KALRN: variants seen among roughly 807,000 people sequenced by gnomAD.
KALRN encodes kalirin RhoGEF kinase.
KALRN carries 70 observed loss-of-function variants against 353.7 expected under a neutral mutation model. The ratio of observed to expected loss-of-function variants is 0.20; its 90% confidence interval spans 0.16 to 0.24. KALRN has a LOEUF of 0.24. KALRN is among the 10% of genes least tolerant of loss of function. The pLI, the probability that KALRN is intolerant of heterozygous loss-of-function variation, is 1.00. For synonymous variants in KALRN, 1,391 were observed against 1,434.8 expected, an observed-to-expected ratio of 0.97 and a Z score of 0.69; for missense variants, 2,791 against 3,756.7, an observed-to-expected ratio of 0.74 and a Z score of 6.72.
At chr3:124,657,855 A>G (rs2150181467) in intron 41 of KALRN, 52 bp downstream of exon 41, 1 of 1,290,204 alleles carries the variant, frequency 7.8e-7, no homozygotes, top group Non-Finnish European at 1.1e-6. Flanking sequence ...GCTCATTTAT[A>G]TTCATTTTAA....
intron 10 of KALRN, among the ~76,000 whole-genome samples, chr3:124,352,063 C>T (rs1458809753): frequency 6.6e-6 from 1 of 152,168 alleles, no homozygotes; most frequent in Non-Finnish European, 1.5e-5. Context: ...AATAGAAGTC[C>T]CGGGCACTGG....
chr3:124,143,549 G>A (rs2066901736), intron 1 of KALRN, among the ~76,000 whole-genome samples: 1 of 152,150 alleles, frequency 6.6e-6, no homozygotes, highest in Non-Finnish European at 1.5e-5. Flanking sequence ...TTAGTTCATG[G>A]GTTGTAAGAA....
At chr3:124,227,623 A>G (rs961200253) in intron 1 of KALRN, among the ~76,000 whole-genome samples, 1 of 145,306 alleles carries the variant, frequency 6.9e-6, no homozygotes, top group Non-Finnish European at 1.5e-5. Flanking sequence ...TGATTTTTTA[A>G]AAGTCCCCCG....
chr3:124,378,936 T>A (rs1411822284), intron 10 of KALRN, among the ~76,000 whole-genome samples: 1 of 151,984 alleles, frequency 6.6e-6, no homozygotes, highest in Non-Finnish European at 1.5e-5. Flanking sequence ...TTGTTGGGTT[T>A]CTTGGATTTA....
rs777615656 is a variant in KALRN at position 124,270,824 on chromosome 3, G to GTTTTTTTTTTTTTTTTTT, written c.969+1575_969+1592dup. On this transcript the variant is annotated intron_variant, in intron 5 of 59. Transcript: ENST00000682506. ...TTTTCTTTGTTTATTTTTTTGTTTT[G>GTTTTTTTTTTTTTTTTTT]TTTTTTTTTTTTTTTTTTTTTTTGA... 1.5e-3 allele frequency among the ~76,000 whole-genome samples: 117 copies of GTTTTTTTTTTTTTTTTTT among 78,564 alleles called. 1 individual carries two copies. Among genetic ancestry groups the GTTTTTTTTTTTTTTTTTT allele is most frequent in the Non-Finnish European group, 1.9e-3 (80 of 41,284 alleles). 51.5% of individuals were successfully genotyped at this position (78,564 alleles called of 152,430 possible).
chr3:124,247,474 A>C (rs1277426594), intron 3 of KALRN, among the ~76,000 whole-genome samples: 2 of 114,056 alleles, frequency 1.8e-5, no homozygotes, highest in Non-Finnish European at 3.9e-5. Context: ...GGAATTTTAT[A>C]ATAATGCTAT....
At chr3:124,602,208 T>C (rs776124154) in intron 34 of KALRN, among the ~76,000 whole-genome samples, 1 of 152,286 alleles carries the variant, frequency 6.6e-6, no homozygotes, top group South Asian at 2.1e-4. Flanking sequence ...AAATCACATA[T>C]AGACCTTCAT....
chr3:124,653,678 T>C (rs1274597130), intron 38 of KALRN, among the ~76,000 whole-genome samples: 2 of 152,208 alleles, frequency 1.3e-5, no homozygotes, highest in Admixed American at 6.5e-5. Flanking sequence ...TAAGAGATTT[T>C]CTGTGGAAGA....
chr3:124,188,430 A>G (rs550488817), intron 1 of KALRN, among the ~76,000 whole-genome samples: 1 of 152,172 alleles, frequency 6.6e-6, no homozygotes, highest in Non-Finnish European at 1.5e-5. Context: ...TTCCCTTCAG[A>G]GCAAAAGCTG....
intron 1 of KALRN, among the ~76,000 whole-genome samples, chr3:124,040,434 G>T (rs1426920399): frequency 6.6e-6 from 1 of 152,092 alleles, no homozygotes; most frequent in Non-Finnish European, 1.5e-5. Flanking sequence ...AATGCCTGGA[G>T]ACATTTTTTT....
chr3:124,671,517 G>A (rs1451890701), intron 47 of KALRN, 143 bp from the exon 48 acceptor site: 1 of 646,988 alleles, frequency 1.5e-6, no homozygotes, highest in Non-Finnish European at 2.8e-6. Context: ...AGATGTCTTA[G>A]TTCTCCCATT....
intron 2 of KALRN, among the ~76,000 whole-genome samples, chr3:124,233,281 G>A (rs1183421839): frequency 1.3e-5 from 2 of 152,222 alleles, no homozygotes; most frequent in African/African-American, 4.8e-5. Context: ...GGTTGAGAGT[G>A]TTGGAGGACC....
chr3:124,383,151 C>A (rs992320485), intron 10 of KALRN, among the ~76,000 whole-genome samples: 3 of 152,160 alleles, frequency 2.0e-5, no homozygotes, highest in African/African-American at 7.2e-5. Flanking sequence ...GCTTTTCAAG[C>A]AGGATTCCTT....
chr3:124,050,138 T>G (rs374545573), intron 1 of KALRN, among the ~76,000 whole-genome samples: 40 of 152,326 alleles, frequency 2.6e-4, no homozygotes, highest in African/African-American at 7.9e-4. Context: ...CCCACTGGTC[T>G]TTGCTTCATG....
chr3:124,146,607 G>A (rs1437487028), intron 1 of KALRN, among the ~76,000 whole-genome samples: 1 of 152,156 alleles, frequency 6.6e-6, no homozygotes, highest in Middle Eastern at 3.2e-3. Flanking sequence ...GCCAGGCTCA[G>A]TGTCTCACGC....
intron 6 of KALRN, among the ~76,000 whole-genome samples, chr3:124,318,259 G>A (rs565740939): frequency 1.3e-5 from 2 of 152,264 alleles, no homozygotes; most frequent in East Asian, 3.9e-4. Flanking sequence ...ACATGGTTTG[G>A]CCTACTGTTT....
rs533594474 is a variant in KALRN at position 124,554,129 on chromosome 3, G to A, written c.4936-8714G>A. Among the ~76,000 whole-genome samples, 12 of 152,352 alleles carry A rather than the reference G, an allele frequency of 7.9e-5. No individual in the cohort carries two copies. The South Asian group carries it at 2.5e-3, about 32-fold the overall frequency. ...CTAGCACTTTGGGAGGCCAGGGTGG[G>A]AGGATCACTTCAGCCCAGGAGTTCG... On this transcript the variant is annotated intron_variant, in intron 33 of 59. Coordinates refer to ENST00000682506, the MANE Select transcript of KALRN (RefSeq NM_001388419.1).
intron 34 of KALRN, among the ~76,000 whole-genome samples, chr3:124,609,811 G>A (rs939972670): frequency 1.1e-4 from 17 of 152,204 alleles, no homozygotes; most frequent in African/African-American, 4.1e-4. Context: ...GGTTAAGTAA[G>A]TATTGTTATC....
intron 1 of KALRN, among the ~76,000 whole-genome samples, chr3:124,136,498 C>G (rs113262288): frequency 6.6e-6 from 1 of 152,138 alleles, no homozygotes; most frequent in Non-Finnish European, 1.5e-5. Flanking sequence ...GTCCCCCCCC[C>G]ATTGATTGGA....
Sources: allele counts gnomAD v4.1 joint callset (sites outside exome capture counted in the v4.1 genomes callset), GRCh38; gene constraint gnomAD v4.1.1; transcripts MANE v1.5; gene names NCBI Gene and HGNC (gene_info 2026-07-23, HGNC 2026-07-21).